TEAD1: variants seen among roughly 807,000 people sequenced by gnomAD.
The protein encoded by TEAD1 is transcriptional enhancer factor TEF-1.
A neutral mutation model predicts 54.9 loss-of-function variants in TEAD1; 9 were observed. The ratio of observed to expected loss-of-function variants is 0.16; its 90% confidence interval spans 0.10 to 0.29. The LOEUF (loss-of-function observed/expected upper bound fraction) is 0.29, where lower values mean the gene tolerates loss of function less well. TEAD1 is among the 10% of genes least tolerant of loss of function. TEAD1 has a pLI of 1.00. For missense variants in TEAD1, 387 were observed against 535.9 expected (o/e 0.72, Z 2.74); for synonymous variants, 200 against 187.8 (o/e 1.07, Z -0.53).
chr11:12,935,667 C>T (rs1292127963), intron 12 of TEAD1, among the ~76,000 whole-genome samples: 2 of 151,976 alleles, frequency 1.3e-5, no homozygotes, highest in Non-Finnish European at 2.9e-5. Flanking sequence ...ACAGTGTTGG[C>T]CAGGCGGGTC....
intron 3 of TEAD1, among the ~76,000 whole-genome samples, chr11:12,839,239 C>G (rs1178011119): frequency 1.3e-5 from 2 of 152,032 alleles, no homozygotes; most frequent in Non-Finnish European, 2.9e-5. Flanking sequence ...AGTGAAACAC[C>G]GTCTCTACTA....
chr11:12,720,939 C>G (rs1408648767), intron 2 of TEAD1, among the ~76,000 whole-genome samples: 1 of 152,242 alleles, frequency 6.6e-6, no homozygotes, highest in Non-Finnish European at 1.5e-5. Flanking sequence ...TGGGCAACTT[C>G]TCAGAAGTTA....
chr11:12,758,129 C>T (rs992849287), intron 2 of TEAD1, among the ~76,000 whole-genome samples: 11 of 151,890 alleles, frequency 7.2e-5, no homozygotes, highest in East Asian at 1.9e-4. Flanking sequence ...ATGGTACTGG[C>T]GCTAGGGACA....
chr11:12,940,833 C>G lies in TEAD1; in HGVS notation c.*3611C>G, dbSNP rs1440499469. On this transcript the variant is annotated 3_prime_UTR_variant, in exon 13 of 13. Transcript: ENST00000527636. ...TTTCTGCCTTACAAGCAATGCTGTTCTGTAAATTTATTGAAACCTCTGGAA... is the reference window on the plus strand; with the variant it reads ...TTTCTGCCTTACAAGCAATGCTGTTGTGTAAATTTATTGAAACCTCTGGAA... 1 of 152,194 alleles carries G rather than the reference C, an allele frequency of 6.6e-6. No individual in the cohort carries two copies. The highest frequency in any genetic ancestry group is 2.4e-5 in the African/African-American group (1 of 41,446). 9.4% of individuals were successfully genotyped at this position (152,194 alleles called of 1,614,324 possible).
At chr11:12,805,288 A>G (rs189579134) in intron 3 of TEAD1, among the ~76,000 whole-genome samples, 181 of 152,298 alleles carry the variant, frequency 1.2e-3, no homozygotes, top group Non-Finnish European at 1.8e-3. Flanking sequence ...TATATTGTTT[A>G]TTTATTTCTT....
At chr11:12,885,974 CAG>C (rs1230241526) in intron 9 of TEAD1, among the ~76,000 whole-genome samples, 1 of 152,180 alleles carries the variant, frequency 6.6e-6, no homozygotes, top group African/African-American at 2.4e-5. Flanking sequence ...AGACACGAAA[CAG>C]ATGATTATCT....
chr11:12,772,999 T>A (rs548806652), intron 3 of TEAD1, among the ~76,000 whole-genome samples: 2 of 152,344 alleles, frequency 1.3e-5, no homozygotes, highest in African/African-American at 2.4e-5. Context: ...TTTTGTCATT[T>A]CAAACATGTT....
chr11:12,907,680 A>G (rs1468727314), intron 10 of TEAD1, among the ~76,000 whole-genome samples: 2 of 152,224 alleles, frequency 1.3e-5, no homozygotes, highest in Non-Finnish European at 2.9e-5. Flanking sequence ...GCACTGTGCC[A>G]GGGCTAAGCA....
chr11:12,743,276 C>A (rs987226187), intron 2 of TEAD1, among the ~76,000 whole-genome samples: 9 of 152,178 alleles, frequency 5.9e-5, no homozygotes, highest in African/African-American at 1.2e-4. Context: ...TGACAGCACT[C>A]AATAAATGTT....
intron 3 of TEAD1, among the ~76,000 whole-genome samples, chr11:12,803,393 A>G (rs1373700221): frequency 1.3e-5 from 2 of 152,238 alleles, no homozygotes; most frequent in African/African-American, 2.4e-5. Flanking sequence ...TAATGAGGAA[A>G]GGCTTCTCTT....
chr11:12,865,121 G>T, intron 5 of TEAD1: 3 of 602,386 alleles, frequency 5.0e-6, no homozygotes, highest in Non-Finnish European at 9.1e-6. Context: ...GTGTGTGTGC[G>T]TGTGTATGTG....
chr11:12,851,804 A>G (rs991654614), intron 3 of TEAD1, among the ~76,000 whole-genome samples: 17 of 126,826 alleles, frequency 1.3e-4, no homozygotes, highest in African/African-American at 6.5e-4. Context: ...CAAAAAAAGG[A>G]AAAAAAAAAA....
chr11:12,878,076 G>A (rs995809400), intron 5 of TEAD1, among the ~76,000 whole-genome samples: 20 of 151,914 alleles, frequency 1.3e-4, no homozygotes, highest in African/African-American at 4.8e-4. Flanking sequence ...CAAAGTGCTG[G>A]GATTATAGGT....
chr11:12,726,554 GA>G (rs11378743), intron 2 of TEAD1, among the ~76,000 whole-genome samples: 3 of 151,818 alleles, frequency 2.0e-5, no homozygotes, highest in Non-Finnish European at 4.4e-5. Context: ...AGTATGGGGG[GA>G]AAAAAAGTAA....
intron 2 of TEAD1, among the ~76,000 whole-genome samples, chr11:12,759,651 A>G (rs1945061441): frequency 6.6e-6 from 1 of 152,216 alleles, no homozygotes; most frequent in Non-Finnish European, 1.5e-5. Context: ...TTATGAGGTC[A>G]GGAGTTCGAG....
At chr11:12,740,211 C>A (rs1944623944) in intron 2 of TEAD1, among the ~76,000 whole-genome samples, 1 of 152,120 alleles carries the variant, frequency 6.6e-6, no homozygotes, top group African/African-American at 2.4e-5. Flanking sequence ...TCTTACCGTG[C>A]CTTAGTTTCC....
intron 2 of TEAD1, among the ~76,000 whole-genome samples, chr11:12,695,846 A>G (rs542692097): frequency 1.3e-4 from 20 of 152,158 alleles, no homozygotes; most frequent in Admixed American, 2.6e-4. Context: ...GTGAGTTTCT[A>G]CTGTGCCTGT....
At chr11:12,807,952 A>G (rs1232469891) in intron 3 of TEAD1, among the ~76,000 whole-genome samples, 2 of 152,130 alleles carry the variant, frequency 1.3e-5, no homozygotes, top group African/African-American at 4.8e-5. Context: ...TCCTAGATGT[A>G]ATTTGTTGCT....
intron 2 of TEAD1, among the ~76,000 whole-genome samples, chr11:12,711,203 C>T (rs921813124): frequency 1.3e-5 from 2 of 151,926 alleles, no homozygotes; most frequent in African/African-American, 2.4e-5. Flanking sequence ...GCCACTGCAG[C>T]GGCTCGGGAA....
Sources: gnomAD v4.1 joint callset for allele counts (sites outside exome capture counted in the v4.1 genomes callset) on GRCh38, gnomAD v4.1.1 for gene constraint, MANE v1.5 for transcripts, NCBI Gene and HGNC (gene_info 2026-07-23, HGNC 2026-07-21) for gene names.